Variants in TBC1D12 observed in about 807,000 individuals in gnomAD.
The protein encoded by TBC1D12 is TBC1 domain family member 12.
A neutral mutation model predicts 86.7 loss-of-function variants in TBC1D12; 56 were observed. The observed-to-expected ratio is 0.65, with a 90% CI of 0.52 to 0.81. TBC1D12 has a LOEUF of 0.81. Ranked by LOEUF, TBC1D12 falls within the 30% of genes least tolerant of loss-of-function variation. The pLI, the probability that TBC1D12 is intolerant of heterozygous loss-of-function variation, is 0.00. For synonymous variants in TBC1D12, 421 were observed against 411.7 expected, an observed-to-expected ratio of 1.02 and a Z score of -0.27; for missense variants, 1,023 against 1,038.8, an observed-to-expected ratio of 0.98 and a Z score of 0.21.
At position 94,507,329 on chromosome 10, in the gene TBC1D12, T is replaced by A. The variant is rs1483663770; in HGVS notation, c.1582T>A (p.Ser528Thr). The A allele has an allele frequency of 1.2e-6, 2 of 1,607,322 alleles. No individual in the cohort carries two copies. Among genetic ancestry groups the A allele is most frequent in the Non-Finnish European group, 1.7e-6 (2 of 1,178,736 alleles). ...ERWKSFSETSSENDTEGVSVA... is the reference protein window; with the variant it reads ...ERWKSFSETSTENDTEGVSVA... The stretch of plus-strand genomic sequence containing the variant: ...GTGGAAAAGTTTCAGTGAAACAAGT[T>A]CAGAGAATGATACAGAAGGTGTGAT... The change falls in exon 7 of 13, where the codon TCA (serine) becomes ACA (threonine). Residue 528 changes from serine to threonine, a missense_variant. By Grantham distance (58) the Ser-to-Thr change is moderately conservative. This residue lies in a region of TBC1D12 where 395 missense variants were observed against 507.7 expected (regional missense o/e 0.78). Coordinates refer to ENST00000225235, the MANE Select transcript of TBC1D12 (RefSeq NM_015188.2).
intron 2 of TBC1D12, among the ~76,000 whole-genome samples, chr10:94,448,243 G>A (rs537921026): frequency 6.6e-6 from 1 of 152,274 alleles, no homozygotes; most frequent in East Asian, 1.9e-4. Context: ...GCATACATGT[G>A]TTTTGTGAGC....
chr10:94,439,349 T>C (rs1389458920), intron 1 of TBC1D12, among the ~76,000 whole-genome samples: 1 of 152,204 alleles, frequency 6.6e-6, no homozygotes, highest in Non-Finnish European at 1.5e-5. Context: ...AGGAAACCTT[T>C]AGGGTGCAGG....
chr10:94,404,168 T>A (rs1201904775), intron 1 of TBC1D12, among the ~76,000 whole-genome samples: 1 of 152,232 alleles, frequency 6.6e-6, no homozygotes, highest in Non-Finnish European at 1.5e-5. Flanking sequence ...TTTGTTTCAG[T>A]GGTCTTTATT....
chr10:94,434,704 G>A (rs770640502), intron 1 of TBC1D12, among the ~76,000 whole-genome samples: 3 of 151,926 alleles, frequency 2.0e-5, no homozygotes, highest in Non-Finnish European at 4.4e-5. Context: ...TCAGGAGTTC[G>A]AGACCAGCCT....
rs368240719 is a variant in TBC1D12 at position 94,435,262 on chromosome 10, A to T, written c.972-6634A>T. ...AGATGGTAGGGTATGCAGCTGTTCA[A>T]CTTTATGAGCTAGAAACAACTGTAT... On this transcript the variant is annotated intron_variant, in intron 1 of 12. Coordinates refer to ENST00000225235, the MANE Select transcript of TBC1D12 (RefSeq NM_015188.2). Among the ~76,000 whole-genome samples, 3 of 152,196 alleles carry T rather than the reference A, an allele frequency of 2.0e-5. No individual in the cohort carries two copies. The South Asian group carries it at 6.2e-4, about 32-fold the overall frequency.
chr10:94,497,160 A>G lies in TBC1D12; in HGVS notation c.1400A>G (p.Asn467Ser), dbSNP rs201966060. 126 of 1,539,368 alleles carry G rather than the reference A, an allele frequency of 8.2e-5. No individual in the cohort carries two copies. The highest frequency in any genetic ancestry group is 4.0e-4 in the Admixed American group (18 of 45,196). ...MVIWINEILPNWEVMRSTRRV... is the reference protein window; with the variant it reads ...MVIWINEILPSWEVMRSTRRV... ...ATTTGGATCAATGAAATACTGCCCA[A>G]TTGGGAAGTAATGTAAGTAAGCAGA... is the stretch of plus-strand genomic sequence containing the variant. The change falls in exon 5 of 13, where the codon AAT (asparagine) becomes AGT (serine). Residue 467 changes from asparagine (N) to serine (S), a missense_variant. Transcript: ENST00000225235.
At chr10:94,518,045 C>T (rs1447597854) in intron 9 of TBC1D12, among the ~76,000 whole-genome samples, 10 of 151,696 alleles carry the variant, frequency 6.6e-5, no homozygotes, top group Admixed American at 5.9e-4. Flanking sequence ...TCGAGCTACT[C>T]GGGAGGCTGA....
intron 9 of TBC1D12, among the ~76,000 whole-genome samples, chr10:94,516,165 G>A (rs753330955): frequency 1.8e-4 from 27 of 152,110 alleles, no homozygotes; most frequent in Non-Finnish European, 3.1e-4. Context: ...TTATTCTAAT[G>A]TAACACTTTT....
At chr10:94,525,853 G>T (rs1306773297) in intron 11 of TBC1D12, among the ~76,000 whole-genome samples, 1 of 151,892 alleles carries the variant, frequency 6.6e-6, no homozygotes, top group Non-Finnish European at 1.5e-5. Flanking sequence ...TATCCATGGG[G>T]TACATAGTGA....
At chr10:94,442,157 T>C (rs2055392998) in intron 2 of TBC1D12, 138 bp downstream of exon 2, 2 of 953,202 alleles carry the variant, frequency 2.1e-6, no homozygotes, top group South Asian at 2.4e-5. Flanking sequence ...TTTGGGATTA[T>C]AAGTATTTAT....
intron 2 of TBC1D12, among the ~76,000 whole-genome samples, chr10:94,474,349 A>C (rs570657632): frequency 2.1e-5 from 3 of 144,428 alleles, no homozygotes; most frequent in East Asian, 4.1e-4. Context: ...AAAAAAAAAA[A>C]CAACTTTTTT....
At chr10:94,437,748 G>A (rs921869809) in intron 1 of TBC1D12, among the ~76,000 whole-genome samples, 12 of 151,982 alleles carry the variant, frequency 7.9e-5, no homozygotes, top group Non-Finnish European at 1.8e-4. Flanking sequence ...AGAGTGGACA[G>A]TTTCAATTTT....
intron 1 of TBC1D12, among the ~76,000 whole-genome samples, chr10:94,438,549 T>C (rs1378661114): frequency 6.6e-6 from 1 of 152,120 alleles, no homozygotes; most frequent in Admixed American, 6.5e-5. Context: ...TGATCCCTAC[T>C]GTCCCTCCTG....
At chr10:94,520,577 G>C (rs952009377) in intron 9 of TBC1D12, among the ~76,000 whole-genome samples, 7 of 152,068 alleles carry the variant, frequency 4.6e-5, no homozygotes, top group South Asian at 2.1e-4. Context: ...TAAAAGAAAA[G>C]GGAGCTGAGA....
At position 94,402,545 on chromosome 10, in the gene TBC1D12, C is replaced by T. The variant is rs1054431040; in HGVS notation, c.-69C>T. ...GTCGCCGCGGCCCCAGCACCCAGAG[C>T]TGTTCTCTGGCCAAGCCTGCGCCTG... On this transcript the variant is annotated 5_prime_UTR_variant, in exon 1 of 13. Coordinates refer to ENST00000225235, the MANE Select transcript of TBC1D12 (RefSeq NM_015188.2). 3.3e-5 allele frequency: 52 copies of T among 1,566,848 alleles called. No individual in the cohort carries two copies. Among genetic ancestry groups the T allele is most frequent in the Admixed American group, 1.3e-4 (7 of 55,320 alleles).
chr10:94,447,242 T>TCATATATACATG (rs1331149469), intron 2 of TBC1D12, among the ~76,000 whole-genome samples: 1 of 152,038 alleles, frequency 6.6e-6, no homozygotes, highest in East Asian at 1.9e-4. Flanking sequence ...TTTACATGTA[T>TCATATATACATG]ATATTTTGCA....
intron 2 of TBC1D12, among the ~76,000 whole-genome samples, chr10:94,467,550 C>T (rs901905002): frequency 2.0e-5 from 3 of 152,090 alleles, no homozygotes; most frequent in African/African-American, 7.2e-5. Flanking sequence ...TTCCTTTTGT[C>T]ACGCAGAATG....
intron 7 of TBC1D12, among the ~76,000 whole-genome samples, chr10:94,507,799 A>G (rs934594147): frequency 2.0e-5 from 3 of 152,166 alleles, no homozygotes; most frequent in Admixed American, 6.5e-5. Flanking sequence ...CAGCCTGGAC[A>G]ACATGGCGAA....
chr10:94,490,658 T>G (rs894984704), intron 3 of TBC1D12, among the ~76,000 whole-genome samples: 1 of 152,208 alleles, frequency 6.6e-6, no homozygotes, highest in Non-Finnish European at 1.5e-5. Flanking sequence ...CTTTTTGGCT[T>G]TAGTCTGGTT....
Sources: gnomAD v4.1 joint callset for allele counts (sites outside exome capture counted in the v4.1 genomes callset) on GRCh38, gnomAD v4.1.1 for gene constraint, gnomAD v4.1.1 regional missense constraint, MANE v1.5 for transcripts, NCBI Gene and HGNC (gene_info 2026-07-23, HGNC 2026-07-21) for gene names.